The following PKHD1 variants were observed in gnomAD, a reference collection of about 807,000 sequenced individuals.
The protein encoded by PKHD1 is PKHD1 ciliary IPT domain containing fibrocystin/polyductin.
In PKHD1, 291 loss-of-function variants were observed where a neutral mutation model predicts 412.0. The observed-to-expected ratio is 0.71, with a 90% CI of 0.64 to 0.78. The LOEUF (loss-of-function observed/expected upper bound fraction) is 0.78. Ranked by LOEUF, PKHD1 falls within the 30% of genes least tolerant of loss-of-function variation. PKHD1 has a pLI of 0.00. For missense variants in PKHD1, 4,825 were observed against 4,950.7 expected, an observed-to-expected ratio of 0.97 and a Z score of 0.76; for synonymous variants, 1,777 against 1,821.5, an observed-to-expected ratio of 0.98 and a Z score of 0.62.
At chr6:51,872,432 A>G (rs1776125858) in intron 46 of PKHD1, among the ~76,000 whole-genome samples, 1 of 151,490 alleles carries the variant, frequency 6.6e-6, no homozygotes. Flanking sequence ...TTTTTGAGAC[A>G]GAATCTCACT....
intron 51 of PKHD1, 93 bp downstream of exon 51, chr6:51,836,311 T>C: frequency 1.2e-6 from 1 of 854,954 alleles, no homozygotes; most frequent in Non-Finnish European, 2.0e-6. Context: ...GATACCTGCC[T>C]GTTTATTAAC....
At chr6:51,753,128 A>T (rs1255079784) in intron 57 of PKHD1, 73 bp downstream of exon 57, 1 of 1,302,574 alleles carries the variant, frequency 7.7e-7, no homozygotes, top group African/African-American at 1.5e-5. Flanking sequence ...AAATTCTCAC[A>T]GTTGGGATTT....
At chr6:51,889,973 G>T (rs1778851965) in intron 43 of PKHD1, among the ~76,000 whole-genome samples, 1 of 151,878 alleles carries the variant, frequency 6.6e-6, no homozygotes, top group African/African-American at 2.4e-5. Context: ...CCAGCTCAGT[G>T]CAAGTTATAT....
At chr6:51,819,304 G>A (rs1765992429) in intron 52 of PKHD1, among the ~76,000 whole-genome samples, 1 of 152,160 alleles carries the variant, frequency 6.6e-6, no homozygotes, top group Non-Finnish European at 1.5e-5. Context: ...GTATTTATCT[G>A]TGCTTAGTCC....
At chr6:51,711,975 G>A (rs1780713169) in intron 60 of PKHD1, among the ~76,000 whole-genome samples, 2 of 152,164 alleles carry the variant, frequency 1.3e-5, no homozygotes, top group Non-Finnish European at 2.9e-5. Flanking sequence ...TGTACTAGGA[G>A]TAGCATGTGA....
intron 49 of PKHD1, among the ~76,000 whole-genome samples, chr6:51,855,171 C>T (rs1435614628): frequency 1.3e-5 from 2 of 152,234 alleles, no homozygotes; most frequent in African/African-American, 2.4e-5. Flanking sequence ...GTTCCTTTTC[C>T]CCGTGTGGCT....
chr6:51,846,577 T>C (rs1771200484), intron 50 of PKHD1, among the ~76,000 whole-genome samples: 1 of 152,066 alleles, frequency 6.6e-6, no homozygotes. Flanking sequence ...GCTGACATGG[T>C]ATAGAAAAGG....
In PKHD1 at chr6:52,027,532, CA is replaced by C. The variant is rs1229066296; in HGVS notation, c.3628+296del. Among the ~76,000 whole-genome samples the C allele has an allele frequency of 0.023, 1,893 of 83,820 alleles. 19 individuals carry two copies. Among genetic ancestry groups the C allele is most frequent in the African/African-American group, 0.088 (1,603 of 18,226 alleles). 55.0% of individuals were successfully genotyped at this position (83,820 alleles called of 152,430 possible). On this transcript the variant is annotated intron_variant, in intron 31 of 66. Coordinates refer to ENST00000371117, the MANE Select transcript of PKHD1 (RefSeq NM_138694.4). ...GGGCAACAAGAGCGAAACTCCGTCT[CA>C]AAAAAAAAAAAAAAAAGAAGAAGAA...
intron 65 of PKHD1, among the ~76,000 whole-genome samples, chr6:51,630,179 T>C (rs2580027): frequency 0.043 from 6,504 of 152,252 alleles, 231 homozygotes; most frequent in African/African-American, 0.093. Context: ...GAGATGGCAC[T>C]TTAAGTAACT....
Position 51,861,789 on chromosome 6 carries a change from T to C in PKHD1, c.7734-5719A>G, listed in dbSNP as rs902685224. 1.3e-5 allele frequency among the ~76,000 whole-genome samples: 2 copies of C among 152,208 alleles called. 1 individual carries two copies. The highest frequency in any genetic ancestry group is 4.8e-5 in the African/African-American group (2 of 41,436). On this transcript the variant is annotated intron_variant, in intron 48 of 66. Coordinates refer to ENST00000371117, the MANE Select transcript of PKHD1 (RefSeq NM_138694.4). ...AATATTTCTCCTCTAAGGAAGTATCTACAGTTTTTGCAACATAGTTATCTG... is the reference window on the plus strand; with the variant it reads ...AATATTTCTCCTCTAAGGAAGTATCCACAGTTTTTGCAACATAGTTATCTG...
chr6:51,803,900 G>A (rs1006801580), intron 52 of PKHD1, among the ~76,000 whole-genome samples: 1 of 151,158 alleles, frequency 6.6e-6, no homozygotes, highest in Non-Finnish European at 1.5e-5. Flanking sequence ...TAGAGATGGG[G>A]TTTCACCATG....
intron 52 of PKHD1, among the ~76,000 whole-genome samples, chr6:51,826,407 A>G (rs931508349): frequency 6.6e-6 from 1 of 152,150 alleles, no homozygotes; most frequent in Admixed American, 6.6e-5. Context: ...AGGCTACATG[A>G]TATCATATTT....
In PKHD1 at chr6:51,634,486, T is replaced by C. The variant is rs142401422; in HGVS notation, c.11507-1763A>G. On this transcript the variant is annotated intron_variant, in intron 64 of 66. Transcript: ENST00000371117. ...GTAAAAACTAAATTCTTCATACTTTTATCCATTTGTCAATGATTGCTCAGT... is the reference window on the plus strand; with the variant it reads ...GTAAAAACTAAATTCTTCATACTTTCATCCATTTGTCAATGATTGCTCAGT... 5.9e-5 allele frequency among the ~76,000 whole-genome samples: 9 copies of C among 152,356 alleles called. No homozygotes were observed. The East Asian group carries it at 1.2e-3, about 20-fold the overall frequency.
chr6:51,673,157 T>A (rs79863997), intron 60 of PKHD1, among the ~76,000 whole-genome samples: 3,177 of 152,268 alleles, frequency 0.021, 103 homozygotes, highest in African/African-American at 0.071. Flanking sequence ...GACCAAATAA[T>A]AACCCGTGAA....
chr6:51,845,556 G>C (rs1468348231), intron 50 of PKHD1, among the ~76,000 whole-genome samples: 1 of 151,940 alleles, frequency 6.6e-6, no homozygotes, highest in African/African-American at 2.4e-5. Flanking sequence ...GAGATACTAG[G>C]GTATTCCAAT....
intron 63 of PKHD1, among the ~76,000 whole-genome samples, chr6:51,644,642 G>A (rs1444704313): frequency 6.6e-6 from 1 of 152,116 alleles, no homozygotes; most frequent in African/African-American, 2.4e-5. Flanking sequence ...CCACAGAAAT[G>A]CCCTACCTGA....
At chr6:51,710,923 C>A (rs1780582022) in intron 60 of PKHD1, among the ~76,000 whole-genome samples, 9 of 152,134 alleles carry the variant, frequency 5.9e-5, no homozygotes, top group Admixed American at 5.9e-4. Context: ...ACTATCATAA[C>A]CATTTCCTTA....
At position 52,031,559 on chromosome 6, in the gene PKHD1, G is replaced by A. The variant is rs543715331; in HGVS notation, c.3364+1471C>T. On this transcript the variant is annotated intron_variant, in intron 29 of 66. Coordinates refer to ENST00000371117, the MANE Select transcript of PKHD1 (RefSeq NM_138694.4). Reference sequence around the variant, plus strand: ...TGAAAGTTCTTCTTTTTAACAAGTGGTTGAGCTGGGATTCATGCAGATTCC... The same window carrying A: ...TGAAAGTTCTTCTTTTTAACAAGTGATTGAGCTGGGATTCATGCAGATTCC... Among the ~76,000 whole-genome samples, 25 of 152,324 alleles carry A rather than the reference G, an allele frequency of 1.6e-4. No homozygotes were observed. The South Asian group carries it at 3.9e-3, about 24-fold the overall frequency.
chr6:51,667,097 C>A (rs949727970), intron 60 of PKHD1, among the ~76,000 whole-genome samples: 1 of 148,004 alleles, frequency 6.8e-6, no homozygotes, highest in Non-Finnish European at 1.5e-5. Context: ...ATTTCTAGTT[C>A]TAGATCCCTG....
Sources: allele counts gnomAD v4.1 joint callset (sites outside exome capture counted in the v4.1 genomes callset), GRCh38; gene constraint gnomAD v4.1.1; transcripts MANE v1.5; gene names NCBI Gene and HGNC (gene_info 2026-07-23, HGNC 2026-07-21).